Variants in TRIM41 observed in about 807,000 individuals in gnomAD.
TRIM41 encodes E3 ubiquitin-protein ligase TRIM41.
In TRIM41, 21 loss-of-function variants were observed where a neutral mutation model predicts 60.6. The observed-to-expected ratio is 0.35, with a 90% CI of 0.25 to 0.50. The LOEUF (loss-of-function observed/expected upper bound fraction) is 0.50, where lower values mean the gene tolerates loss of function less well. Ranked by LOEUF, TRIM41 falls within the 20% of genes least tolerant of loss-of-function variation. TRIM41 has a pLI of 0.98. For synonymous variants in TRIM41, 407 were observed against 344.9 expected, an observed-to-expected ratio of 1.18 and a Z score of -2.00; for missense variants, 846 against 868.3, an observed-to-expected ratio of 0.97 and a Z score of 0.32.
chr5:181,235,377 TG>T lies in TRIM41; in HGVS notation c.*603del. 1 of 1,614,204 alleles carries T rather than the reference TG, an allele frequency of 6.2e-7. No homozygotes were observed. ...AGACCGGCCAGAATTTAGCTTCACT[TG>T]AGAGAGATCTGGAATGGTCGCCATG... On this transcript the variant is annotated 3_prime_UTR_variant, in exon 6 of 6. Coordinates refer to ENST00000315073, the MANE Select transcript of TRIM41 (RefSeq NM_033549.5).
chr5:181,231,376 T>G (rs1282524746), intron 2 of TRIM41: 1 of 153,204 alleles, frequency 6.5e-6, no homozygotes, highest in Non-Finnish European at 1.5e-5. Flanking sequence ...TTTTTGTTGT[T>G]TTTTTCCATT....
chr5:181,226,977 T>C (rs1758580253), intron 1 of TRIM41: 1 of 152,158 alleles, frequency 6.6e-6, no homozygotes, highest in Admixed American at 6.5e-5. Context: ...ATTCAAGCGA[T>C]TCTCCTGCCT....
At chr5:181,225,095 G>C in intron 1 of TRIM41, 1 of 505,526 alleles carries the variant, frequency 2.0e-6, no homozygotes, top group South Asian at 2.2e-5. Context: ...TTTACCAGAA[G>C]TCTCGTTTTC....
At chr5:181,228,227 T>A (rs1447280630) in intron 1 of TRIM41, 1 of 149,114 alleles carries the variant, frequency 6.7e-6, no homozygotes, top group Non-Finnish European at 1.5e-5. Flanking sequence ...AGAGCGAGAC[T>A]CTGTCTCAAA....
chr5:181,224,437 G>T lies in TRIM41; in HGVS notation c.438G>T (p.Arg146Ser), dbSNP rs138171640. Residue 146 changes from arginine to serine, a missense_variant, in exon 1 of 6, where the codon AGG becomes AGT. Transcript: ENST00000315073. The part of the protein sequence containing the change: ...YLGDMEEEDL[R>S]GEDEEDEEEV... Reference sequence around the variant, plus strand: ...GGGACATGGAGGAGGAGGACCTGAGGGGGGAGGATGAGGAGGACGAGGAGG... The same window carrying T: ...GGGACATGGAGGAGGAGGACCTGAGTGGGGAGGATGAGGAGGACGAGGAGG... The T allele has an allele frequency of 6.2e-7, 1 of 1,613,362 alleles. No individual in the cohort carries two copies. The highest frequency in any genetic ancestry group is 1.3e-5 in the African/African-American group (1 of 74,878).
Position 181,233,723 on chromosome 5 carries a change from C to A in TRIM41, c.1251C>A (p.Ile417=). The A allele has an allele frequency of 6.2e-7, 1 of 1,614,176 alleles. No individual in the cohort carries two copies. Among genetic ancestry groups the A allele is most frequent in the Non-Finnish European group, 8.5e-7 (1 of 1,180,040 alleles). ...PHSHDFLTDA[I]VRKMSRMFCQ... is the part of the protein sequence containing the mutation. ...GCCATGACTTCCTGACAGATGCCAT[C>A]GTGAGGAAAATGAGCCGGATGTTCT... The change falls in exon 5 of 6, where the codon ATC becomes ATA. Residue 417 remains isoleucine (I), a synonymous_variant. Transcript: ENST00000315073. The surrounding 1 kb of genome is among the most constrained non-coding windows in gnomAD (Gnocchi z 4.1).
rs1284885617 is a variant in TRIM41, at chr5:181,224,510, C to G, written c.511C>G (p.Leu171Val). ...EEEDLDPVTPLPPPPAPRRCF... is the reference protein window; with the variant it reads ...EEEDLDPVTPVPPPPAPRRCF... ...AGAGGATCTAGACCCCGTCACCCCA[C>G]TGCCCCCGCCTCCAGCCCCTCGGAG... Residue 171 changes from leucine (L) to valine (V), a missense_variant, in exon 1 of 6, where the codon CTG becomes GTG. Coordinates refer to ENST00000315073, the MANE Select transcript of TRIM41 (RefSeq NM_033549.5). The G allele has an allele frequency of 1.2e-6, 2 of 1,612,060 alleles. No homozygotes were observed. Among genetic ancestry groups the G allele is most frequent in the Admixed American group, 3.3e-5 (2 of 59,992 alleles).
In TRIM41 at chr5:181,234,331, C is replaced by T. The variant is rs200888189; in HGVS notation, c.1449C>T (p.Ser483=). The change falls in exon 6 of 6, where the codon TCC becomes TCT. Residue 483 remains serine (S), a synonymous_variant. Coordinates refer to ENST00000315073, the MANE Select transcript of TRIM41 (RefSeq NM_033549.5). The surrounding 1 kb of genome is among the most constrained non-coding windows in gnomAD (Gnocchi z 5.6). The part of the protein sequence containing the change: ...CCVLGAQGFR[S]GRHYWEVEVG... The stretch of plus-strand genomic sequence containing the variant: ...TACTGGGGGCCCAGGGCTTCCGCTC[C>T]GGCCGGCACTACTGGGAGGTAGAGG... 3.8e-4 allele frequency: 609 copies of T among 1,611,306 alleles called. 2 individuals are homozygous for T. The highest frequency in any genetic ancestry group is 2.3e-3 in the African/African-American group (169 of 75,010).
rs1192837094 is a variant in TRIM41 at position 181,233,388 on chromosome 5, CTCTT to C, written c.1141-23_1141-20del. The C allele has an allele frequency of 1.2e-6, 2 of 1,612,066 alleles. No homozygotes were observed. Among genetic ancestry groups the C allele is most frequent in the Non-Finnish European group, 8.5e-7 (1 of 1,178,410 alleles). ...TCTCTTTATCTCTTTCTCCCTCTCC[CTCTT>C]TTTGTTTCTCTTATTCCCAGGACAT... On this transcript the variant is annotated intron_variant, in intron 3 of 5. Coordinates refer to ENST00000315073, the MANE Select transcript of TRIM41 (RefSeq NM_033549.5). This position sits in a 1 kb window ranked among gnomAD's most constrained non-coding sequence, Gnocchi z 4.1.
intron 2 of TRIM41, 145 bp from the exon 3 acceptor site, chr5:181,232,514 G>T (rs1278565870): frequency 1.4e-6 from 1 of 727,380 alleles, no homozygotes; most frequent in Non-Finnish European, 2.2e-6. Flanking sequence ...AAGGCTGGTA[G>T]GGGATGAGCC....
rs1171645118 is a variant in TRIM41 at position 181,224,113 on chromosome 5, C to T, written c.114C>T (p.Asn38=). The change falls in exon 1 of 6, where the codon AAC becomes AAT. Residue 38 remains asparagine, a synonymous_variant. Coordinates refer to ENST00000315073, the MANE Select transcript of TRIM41 (RefSeq NM_033549.5). ...TDPVSIGCGH[N]FCRVCVTQLW... is the part of the protein sequence containing the mutation. ...CCGTGTCCATCGGCTGCGGGCACAA[C>T]TTCTGCCGAGTTTGTGTAACCCAGT... The T allele has an allele frequency of 5.0e-6, 8 of 1,614,242 alleles. No individual in the cohort carries two copies. In the Admixed American group the frequency reaches 5.0e-5, roughly 10 times the overall value.
chr5:181,224,500 C>T lies in TRIM41; in HGVS notation c.501C>T (p.Pro167=), dbSNP rs149437703. ...AGGTTGAGGAAGAGGATCTAGACCC[C>T]GTCACCCCACTGCCCCCGCCTCCAG... is the stretch of plus-strand genomic sequence containing the variant. ...LEEVEEEDLD[P]VTPLPPPPAP... is the part of the protein sequence containing the mutation. Residue 167 remains proline, a synonymous_variant, in exon 1 of 6, where the codon CCC becomes CCT. Coordinates refer to ENST00000315073, the MANE Select transcript of TRIM41 (RefSeq NM_033549.5). The T allele has an allele frequency of 3.1e-6, 5 of 1,612,352 alleles. No individual in the cohort carries two copies. The highest frequency in any genetic ancestry group is 4.2e-6 in the Non-Finnish European group (5 of 1,178,876).
Position 181,224,705 on chromosome 5 carries a change from C to T in TRIM41, c.706C>T (p.Leu236Phe). ...ICPKHQEALKLFCEVDEEAIC... is the reference protein window; with the variant it reads ...ICPKHQEALKFFCEVDEEAIC... The stretch of plus-strand genomic sequence containing the variant: ...TCCCAAACACCAAGAAGCCCTGAAG[C>T]TCTTCTGCGAGGTAGACGAAGAGGC... Residue 236 changes from leucine to phenylalanine, a missense_variant, in exon 1 of 6, where the codon CTC (leucine) becomes TTC (phenylalanine). By Grantham distance (22) the Leu-to-Phe change is conservative. Coordinates refer to ENST00000315073, the MANE Select transcript of TRIM41 (RefSeq NM_033549.5). The T allele has an allele frequency of 3.1e-6, 5 of 1,614,232 alleles. No homozygotes were observed. The highest frequency in any genetic ancestry group is 4.2e-6 in the Non-Finnish European group (5 of 1,180,046).
In TRIM41 at chr5:181,223,950, C is replaced by T. The variant is rs762890844; in HGVS notation, c.-50C>T. ...CCAGGGCGTCGGTAGGGAAGACCCC[C>T]GCCCCTCGCCCCCCCACCGAACCTC... On this transcript the variant is annotated 5_prime_UTR_variant, in exon 1 of 6. Transcript: ENST00000315073. The T allele has an allele frequency of 2.0e-6, 3 of 1,527,708 alleles. No homozygotes were observed. Among genetic ancestry groups the T allele is most frequent in the East Asian group, 2.3e-5 (1 of 43,088 alleles). 94.6% of individuals were successfully genotyped at this position (1,527,708 alleles called of 1,614,324 possible). A position where few individuals can be genotyped will look rare whatever the true frequency, so the allele number is the denominator to read the frequency against.
At position 181,224,641 on chromosome 5, in the gene TRIM41, C is replaced by G; in HGVS notation, c.642C>G (p.Thr214=). The G allele has an allele frequency of 2.5e-6, 4 of 1,614,234 alleles. No individual in the cohort carries two copies. The highest frequency in any genetic ancestry group is 3.4e-6 in the Non-Finnish European group (4 of 1,180,046). Residue 214 remains threonine (T), a synonymous_variant, in exon 1 of 6, where the codon ACC becomes ACG. Coordinates refer to ENST00000315073, the MANE Select transcript of TRIM41 (RefSeq NM_033549.5). ...AGGTGATTCGGCAGATGCACCCAAC[C>G]CCTGGTCGAGGGAGCCGCGTGACCG... ...MVQVIRQMHP[T]PGRGSRVTDQ... is the part of the protein sequence containing the mutation.
chr5:181,232,241 G>GGTCGCC, intron 2 of TRIM41: 4 of 178,470 alleles, frequency 2.2e-5, no homozygotes, highest in South Asian at 1.3e-4. Context: ...GGGAGCTCAT[G>GGTCGCC]GTACAGTGGG....
chr5:181,225,994 T>C (rs1758535099), intron 1 of TRIM41: 1 of 152,220 alleles, frequency 6.6e-6, no homozygotes, highest in Admixed American at 6.5e-5. Context: ...ATTATTTTCG[T>C]TACCCCAATT....
chr5:181,234,839 C>A lies in TRIM41; in HGVS notation c.*64C>A, dbSNP rs144990833. On this transcript the variant is annotated 3_prime_UTR_variant, in exon 6 of 6. Coordinates refer to ENST00000315073, the MANE Select transcript of TRIM41 (RefSeq NM_033549.5). This position sits in a 1 kb window ranked among gnomAD's most constrained non-coding sequence, Gnocchi z 5.6. ...GGGGGGTGGGTGGTGGAGGGTGGCC[C>A]GTAAGTTTGAGGGCTCAAAGGCTCT... 11 of 1,606,940 alleles carry A rather than the reference C, an allele frequency of 6.8e-6. No individual in the cohort carries two copies. Among genetic ancestry groups the A allele is most frequent in the Non-Finnish European group, 9.3e-6 (11 of 1,176,832 alleles).
Position 181,234,044 on chromosome 5 carries a change from CTG to C in TRIM41, c.1292-129_1292-128del. On this transcript the variant is annotated intron_variant, in intron 5 of 5. Coordinates refer to ENST00000315073, the MANE Select transcript of TRIM41 (RefSeq NM_033549.5). This position sits in a 1 kb window ranked among gnomAD's most constrained non-coding sequence, Gnocchi z 5.6. ...AGGAGCAAGATGAGCCTGCAGGAAT[CTG>C]AGGCTGGCCTCTGGGATGGTGTGGG... 4 of 1,482,328 alleles carry C rather than the reference CTG, an allele frequency of 2.7e-6. No homozygotes were observed. The South Asian group carries it at 4.7e-5, about 17-fold the overall frequency. The allele number at this position is 1,482,328 out of a possible 1,614,324, so 91.8% of individuals were successfully genotyped here. A position where few individuals can be genotyped will look rare whatever the true frequency, so the allele number is the denominator to read the frequency against.
Sources: gnomAD v4.1 joint callset for allele counts on GRCh38, gnomAD v4.1.1 for gene constraint, Gnocchi (gnomAD v3.1) non-coding constraint, MANE v1.5 for transcripts, NCBI Gene and HGNC (gene_info 2026-07-23, HGNC 2026-07-21) for gene names.